KLF13: variants seen among roughly 807,000 people sequenced by gnomAD.
The protein encoded by KLF13 is Krueppel-like factor 13.
A neutral mutation model predicts 16.7 loss-of-function variants in KLF13; 8 were observed. The observed-to-expected ratio is 0.48, with a 90% CI of 0.28 to 0.87. The LOEUF (loss-of-function observed/expected upper bound fraction) is 0.87, where lower values mean the gene tolerates loss of function less well. KLF13 is among the 40% of genes least tolerant of loss of function. The probability of loss-of-function intolerance (pLI) is 0.10; values close to 1 mark genes in which losing one functional copy is unlikely to be tolerated. For missense variants in KLF13, 447 were observed against 452.2 expected (o/e 0.99, Z 0.10); for synonymous variants, 245 against 208.4 (o/e 1.18, Z -1.51).
intron 1 of KLF13, among the ~76,000 whole-genome samples, chr15:31,383,589 A>G (rs1402989792): frequency 1.3e-5 from 2 of 152,242 alleles, no homozygotes; most frequent in Non-Finnish European, 2.9e-5. Flanking sequence ...CAACATTAAA[A>G]GAAAGTTATC....
chr15:31,348,616 G>T (rs528282142), intron 1 of KLF13, among the ~76,000 whole-genome samples: 1 of 151,954 alleles, frequency 6.6e-6, no homozygotes, highest in African/African-American at 2.4e-5. Flanking sequence ...ACTGATGTCC[G>T]CATTTTTTAG....
intron 1 of KLF13, among the ~76,000 whole-genome samples, chr15:31,418,921 G>A (rs2040288358): frequency 6.6e-6 from 1 of 152,116 alleles, no homozygotes; most frequent in South Asian, 2.1e-4. Context: ...ACCAGCCTGG[G>A]CAACATAGAG....
intron 1 of KLF13, among the ~76,000 whole-genome samples, chr15:31,364,809 C>T (rs184945442): frequency 1.4e-4 from 22 of 152,340 alleles, no homozygotes; most frequent in African/African-American, 4.6e-4. Context: ...GGACTTCCTG[C>T]GAAGCCATGT....
chr15:31,428,849 GACCAAATAT>G (rs1340944903), intron 1 of KLF13, among the ~76,000 whole-genome samples: 1 of 130,982 alleles, frequency 7.6e-6, no homozygotes, highest in African/African-American at 2.8e-5. Flanking sequence ...AAATGCCACA[GACCAAATAT>G]AACCAGGACA....
intron 1 of KLF13, among the ~76,000 whole-genome samples, chr15:31,433,268 T>G (rs1046891013): frequency 6.6e-6 from 1 of 152,182 alleles, no homozygotes; most frequent in African/African-American, 2.4e-5. Context: ...GGGAGCCCCC[T>G]GGGAGCTCCA....
intron 1 of KLF13, among the ~76,000 whole-genome samples, chr15:31,338,328 G>A (rs953034749): frequency 6.6e-6 from 1 of 152,196 alleles, no homozygotes; most frequent in African/African-American, 2.4e-5. Flanking sequence ...ATGTGTGTGT[G>A]TATATATGCC....
chr15:31,341,870 A>G (rs1416587231), intron 1 of KLF13, among the ~76,000 whole-genome samples: 3 of 152,142 alleles, frequency 2.0e-5, no homozygotes, highest in African/African-American at 7.2e-5. Context: ...ATCCTCCTGG[A>G]TAAACCCAGA....
intron 1 of KLF13, among the ~76,000 whole-genome samples, chr15:31,410,032 G>A (rs1332947626): frequency 1.3e-5 from 2 of 152,058 alleles, no homozygotes; most frequent in South Asian, 4.1e-4. Context: ...ACGGTCTCAA[G>A]CAAACTATAA....
intron 1 of KLF13, among the ~76,000 whole-genome samples, chr15:31,330,117 AG>A (rs1464021909): frequency 2.0e-5 from 3 of 152,174 alleles, no homozygotes; most frequent in African/African-American, 7.2e-5. Flanking sequence ...AAGGGAGAAG[AG>A]GAGCTTGCTG....
chr15:31,340,672 T>C (rs2039007133), intron 1 of KLF13, among the ~76,000 whole-genome samples: 1 of 152,170 alleles, frequency 6.6e-6, no homozygotes, highest in African/African-American at 2.4e-5. Context: ...GGCAGGAGAA[T>C]TGCTTGAGCC....
intron 1 of KLF13, among the ~76,000 whole-genome samples, chr15:31,334,888 G>A (rs1055753009): frequency 1.3e-5 from 2 of 152,172 alleles, no homozygotes; most frequent in Admixed American, 6.5e-5. Context: ...TGCAGTCCTC[G>A]GGGTGGGAGA....
intron 1 of KLF13, among the ~76,000 whole-genome samples, chr15:31,425,966 C>A (rs1047813711): frequency 6.6e-6 from 1 of 152,190 alleles, no homozygotes; most frequent in African/African-American, 2.4e-5. Context: ...ACAAGATACC[C>A]TAAATTATTT....
downstream of KLF13, among the ~76,000 whole-genome samples, chr15:31,408,304 C>T (rs777427100): frequency 4.6e-5 from 7 of 152,062 alleles, no homozygotes; most frequent in African/African-American, 1.4e-4. Flanking sequence ...CAGAGAAGAC[C>T]GAGGAGACTC....
chr15:31,327,898 C>A, intron 1 of KLF13, 109 bp downstream of exon 1: 1 of 1,135,472 alleles, frequency 8.8e-7, no homozygotes, highest in Non-Finnish European at 1.1e-6. Context: ...CCGGGCGGGC[C>A]GGAACGCCCG....
intron 1 of KLF13, among the ~76,000 whole-genome samples, chr15:31,330,815 C>T (rs2038816955): frequency 6.6e-6 from 1 of 152,208 alleles, no homozygotes; most frequent in Non-Finnish European, 1.5e-5. Context: ...GCTCGTGCTA[C>T]TTTATTATTT....
intron 1 of KLF13, among the ~76,000 whole-genome samples, chr15:31,336,226 G>A (rs987646946): frequency 1.3e-5 from 2 of 152,220 alleles, no homozygotes; most frequent in Admixed American, 6.5e-5. Flanking sequence ...ATCCTTTCCC[G>A]GTCTGGCCTC....
chr15:31,382,812 C>T (rs138502922), downstream of KLF13, among the ~76,000 whole-genome samples: 368 of 152,302 alleles, frequency 2.4e-3, 1 homozygote, highest in African/African-American at 8.4e-3. Flanking sequence ...GTCTAGGTAC[C>T]GCGTCCACTC....
At chr15:31,384,351 AAAC>A in intron 1 of KLF13, among the ~76,000 whole-genome samples, 1 of 151,858 alleles carries the variant, frequency 6.6e-6, no homozygotes, top group Admixed American at 6.6e-5. Context: ...AGAATGGCTT[AAAC>A]CCTGGAGGTG....
At chr15:31,335,264 A>G (rs1211338899) in intron 1 of KLF13, among the ~76,000 whole-genome samples, 2 of 151,974 alleles carry the variant, frequency 1.3e-5, no homozygotes, top group Non-Finnish European at 2.9e-5. Context: ...GGGAGACATG[A>G]AGTTTGTTCA....
Sources: gnomAD v4.1 joint callset for allele counts (sites outside exome capture counted in the v4.1 genomes callset) on GRCh38, gnomAD v4.1.1 for gene constraint, MANE v1.5 for transcripts, NCBI Gene and HGNC (gene_info 2026-07-23, HGNC 2026-07-21) for gene names.